CLMN: variants seen among roughly 807,000 people sequenced by gnomAD.
The protein encoded by CLMN is calmin.
CLMN carries 57 observed loss-of-function variants against 92.7 expected under a neutral mutation model. The observed-to-expected ratio is 0.61, with a 90% confidence interval of 0.50 to 0.77. The LOEUF is 0.77. Among genes scored for constraint, CLMN ranks in the 30% least tolerant of loss-of-function variants. The pLI, the probability that CLMN is intolerant of heterozygous loss-of-function variation, is 0.00. For synonymous variants in CLMN, 466 were observed against 470.6 expected, an observed-to-expected ratio of 0.99 and a Z score of 0.13; for missense variants, 1,158 against 1,237.5, an observed-to-expected ratio of 0.94 and a Z score of 0.96.
intron 8 of CLMN, among the ~76,000 whole-genome samples, chr14:95,208,977 A>G (rs1247721054): frequency 6.6e-6 from 1 of 152,228 alleles, no homozygotes; most frequent in Non-Finnish European, 1.5e-5. Context: ...TTGTGTTCAC[A>G]TAGCCCTTAT....
chr14:95,250,614 TAAATATTGGC>T (rs1898743550), intron 1 of CLMN, among the ~76,000 whole-genome samples: 1 of 152,222 alleles, frequency 6.6e-6, no homozygotes, highest in African/African-American at 2.4e-5. Flanking sequence ...GCAGTGTTCA[TAAATATTGGC>T]GGCTGAGCCA....
At chr14:95,229,764 C>A (rs1223776259) in intron 2 of CLMN, among the ~76,000 whole-genome samples, 1 of 152,114 alleles carries the variant, frequency 6.6e-6, no homozygotes, top group Non-Finnish European at 1.5e-5. Flanking sequence ...AAGATGCGCA[C>A]CTGAGTTTCA....
In CLMN at chr14:95,191,662, G is replaced by A. The variant is rs757593345; in HGVS notation, c.2911C>T (p.Leu971Phe). 1.2e-6 allele frequency: 2 copies of A among 1,613,686 alleles called. No homozygotes were observed. Among genetic ancestry groups the A allele is most frequent in the Non-Finnish European group, 1.7e-6 (2 of 1,179,996 alleles). Residue 971 changes from leucine (L) to phenylalanine (F), a missense_variant, in exon 13 of 13, where the codon CTT becomes TTT. Transcript: ENST00000298912. This position sits in a 1 kb window ranked among gnomAD's most constrained non-coding sequence, Gnocchi z 5.3. The stretch of plus-strand genomic sequence containing the variant: ...TACATCATATCCGGCTGCTGGACAA[G>A]CTGTGTCAGGGAGTCACTCTGCGGG... ...HSPQSDSLTQ[L>F]VQQPDMMYFI...
rs1046446931 is a variant in CLMN at position 95,182,122 on chromosome 14, A to C, written c.*9442T>G. On this transcript the variant is annotated 3_prime_UTR_variant, in exon 13 of 13. Coordinates refer to ENST00000298912, the MANE Select transcript of CLMN (RefSeq NM_024734.4). ...ATTTATATCTTAATTTACAGTAATC[A>C]ATAAATAAGACGGCACATTCATATA... The C allele has an allele frequency of 2.0e-5, 3 of 152,204 alleles. No individual in the cohort carries two copies. Among genetic ancestry groups the C allele is most frequent in the African/African-American group, 7.2e-5 (3 of 41,466 alleles). The allele number at this position is 152,204 out of a possible 1,614,324, so 9.4% of individuals were successfully genotyped here.
chr14:95,220,322 C>T (rs1219147073), intron 4 of CLMN, among the ~76,000 whole-genome samples: 1 of 151,834 alleles, frequency 6.6e-6, no homozygotes, highest in East Asian at 1.9e-4. Flanking sequence ...GATTATAGCT[C>T]CCCACGACCG....
At chr14:95,234,304 C>T (rs1295771502) in intron 1 of CLMN, among the ~76,000 whole-genome samples, 4 of 152,206 alleles carry the variant, frequency 2.6e-5, no homozygotes, top group Admixed American at 2.6e-4. Context: ...GCTCTGGTCA[C>T]CGGCGTTTTG....
At chr14:95,222,570 C>T (rs1366844681) in intron 3 of CLMN, 1 of 455,694 alleles carries the variant, frequency 2.2e-6, no homozygotes, top group Non-Finnish European at 4.4e-6. Context: ...TGGAGGCCCA[C>T]CAAGGACACA....
At chr14:95,255,194 G>C (rs532257354) in intron 1 of CLMN, among the ~76,000 whole-genome samples, 2 of 152,222 alleles carry the variant, frequency 1.3e-5, no homozygotes, top group South Asian at 4.1e-4. Context: ...CCGGCACCTT[G>C]ATCCTGGACT....
At chr14:95,283,358 G>A (rs561909949) in intron 1 of CLMN, among the ~76,000 whole-genome samples, 20 of 152,126 alleles carry the variant, frequency 1.3e-4, no homozygotes, top group Admixed American at 1.3e-4. Context: ...TCCCAGTCTC[G>A]GGTATGTCTT....
At chr14:95,237,319 C>T (rs1331221741) in intron 1 of CLMN, among the ~76,000 whole-genome samples, 1 of 152,258 alleles carries the variant, frequency 6.6e-6, no homozygotes, top group Non-Finnish European at 1.5e-5. Flanking sequence ...GACCCGGCAC[C>T]TGCAGAGGCT....
intron 1 of CLMN, among the ~76,000 whole-genome samples, chr14:95,277,633 T>C (rs746243213): frequency 5.3e-5 from 8 of 152,188 alleles, no homozygotes; most frequent in Non-Finnish European, 8.8e-5. Flanking sequence ...TTTTCTTTCT[T>C]TCTCTTTTTT....
chr14:95,272,418 CCA>C (rs1454076020), intron 1 of CLMN, among the ~76,000 whole-genome samples: 2 of 152,150 alleles, frequency 1.3e-5, no homozygotes, highest in Non-Finnish European at 2.9e-5. Context: ...TCCAGAACAC[CCA>C]GAGATGAAGT....
At chr14:95,300,248 T>A (rs899411296) in intron 1 of CLMN, among the ~76,000 whole-genome samples, 4 of 152,152 alleles carry the variant, frequency 2.6e-5, no homozygotes, top group Non-Finnish European at 5.9e-5. Context: ...GTCACCACAG[T>A]GTGACAATGA....
chr14:95,210,559 G>A lies in CLMN; in HGVS notation c.802+127C>T. 8.0e-6 allele frequency: 7 copies of A among 871,522 alleles called. No homozygotes were observed. In the South Asian group the frequency reaches 1.1e-4, roughly 14 times the overall value. The allele number at this position is 871,522 out of a possible 1,614,324, so 54.0% of individuals were successfully genotyped here. On this transcript the variant is annotated intron_variant, in intron 7 of 12. Transcript: ENST00000298912. Reference sequence around the variant, plus strand: ...GAAAAATATCCATATGATCTGAGTGGTAGAAATATAGGAGAAAAAATCTTC... The same window carrying A: ...GAAAAATATCCATATGATCTGAGTGATAGAAATATAGGAGAAAAAATCTTC...
At chr14:95,247,897 A>G (rs1476839110) in intron 1 of CLMN, among the ~76,000 whole-genome samples, 2 of 152,126 alleles carry the variant, frequency 1.3e-5, no homozygotes, top group African/African-American at 4.8e-5. Flanking sequence ...AAGAGGAGAG[A>G]GAGAAAAAGA....
At chr14:95,305,898 G>A (rs1028671937) in intron 1 of CLMN, among the ~76,000 whole-genome samples, 5 of 152,186 alleles carry the variant, frequency 3.3e-5, no homozygotes, top group Non-Finnish European at 5.9e-5. Flanking sequence ...ACTTCAATAC[G>A]CTGAAGGAAA....
At chr14:95,224,305 G>A (rs1897642529) in intron 2 of CLMN, among the ~76,000 whole-genome samples, 2 of 151,766 alleles carry the variant, frequency 1.3e-5, no homozygotes, top group Admixed American at 1.3e-4. Flanking sequence ...TTTGAGACAA[G>A]AGTCACGCTC....
At chr14:95,270,796 A>G (rs929024363) in intron 1 of CLMN, among the ~76,000 whole-genome samples, 4 of 152,082 alleles carry the variant, frequency 2.6e-5, no homozygotes, top group African/African-American at 9.7e-5. Context: ...TTTTTTTTAC[A>G]TGGAGGTCTG....
chr14:95,236,837 C>A (rs994087916), intron 1 of CLMN, among the ~76,000 whole-genome samples: 1 of 151,946 alleles, frequency 6.6e-6, no homozygotes, highest in African/African-American at 2.4e-5. Context: ...TTGTGAGGAC[C>A]AAGTTTATTA....
Sources: gnomAD v4.1 joint callset for allele counts (sites outside exome capture counted in the v4.1 genomes callset) on GRCh38, gnomAD v4.1.1 for gene constraint, Gnocchi (gnomAD v3.1) non-coding constraint, MANE v1.5 for transcripts, NCBI Gene and HGNC (gene_info 2026-07-23, HGNC 2026-07-21) for gene names.